The following MBNL3 variants were observed in gnomAD, a reference collection of about 807,000 sequenced individuals.
The protein encoded by MBNL3 is muscleblind like splicing regulator 3, also known as muscleblind-like protein 3.
A neutral mutation model predicts 24.5 loss-of-function variants in MBNL3; 6 were observed. The ratio of observed to expected loss-of-function variants is 0.25; its 90% CI spans 0.13 to 0.48. The LOEUF (loss-of-function observed/expected upper bound fraction) is 0.48, where lower values mean the gene tolerates loss of function less well. Among genes scored for constraint, MBNL3 ranks in the 20% least tolerant of loss-of-function variants. MBNL3 has a pLI of 0.99. For synonymous variants in MBNL3, 100 were observed against 101.7 expected, an observed-to-expected ratio of 0.98 and a Z score of 0.10; for missense variants, 230 against 293.5, an observed-to-expected ratio of 0.78 and a Z score of 1.58.
rs1933643272 is a variant in MBNL3, at chrX:132,371,930, A to G, written c.*7736T>C. On this transcript the variant is annotated 3_prime_UTR_variant, in exon 9 of 9. Transcript: ENST00000370853. Reference sequence around the variant, plus strand: ...AGAATTACTAAATATTAGGATTAATATACTAGAGCATGAATAGCCTTCAAG... The same window carrying G: ...AGAATTACTAAATATTAGGATTAATGTACTAGAGCATGAATAGCCTTCAAG... 1 of 111,490 alleles carries G rather than the reference A, an allele frequency of 9.0e-6. No homozygotes were observed. The highest frequency in any genetic ancestry group is 1.9e-5 in the Non-Finnish European group (1 of 52,995). The allele number at this position is 111,490 out of a possible 1,213,427, so 9.2% of individuals were successfully genotyped here. A position where few individuals can be genotyped will look rare whatever the true frequency, so the allele number is the denominator to read the frequency against.
intron 8 of MBNL3, chrX:132,381,485 TTTATG>T: frequency 2.5e-6 from 2 of 813,237 alleles, no homozygotes; most frequent in Non-Finnish European, 3.6e-6. Context: ...GAGAATTCTG[TTTATG>T]TTGTTATATA....
At chrX:132,409,751 A>ACTCT (rs753041560) in intron 2 of MBNL3, among the ~76,000 whole-genome samples, 1 of 109,001 alleles carries the variant, frequency 9.2e-6, no homozygotes, top group Non-Finnish European at 1.9e-5. Context: ...ATGAAAATCA[A>ACTCT]CTCTCTCTCT....
At chrX:132,446,101 C>T (rs973750954) in intron 1 of MBNL3, among the ~76,000 whole-genome samples, 2 of 111,773 alleles carry the variant, frequency 1.8e-5, no homozygotes, top group Admixed American at 1.9e-4. Context: ...CATCTTCATC[C>T]ATGTCCCTGC....
chrX:132,452,609 T>C (rs1382901337), intron 1 of MBNL3, among the ~76,000 whole-genome samples: 1 of 112,685 alleles, frequency 8.9e-6, no homozygotes, highest in African/African-American at 3.2e-5. Flanking sequence ...CAAAGAAATA[T>C]ATTCCATCAT....
At chrX:132,414,625 C>T (rs778623253) in intron 2 of MBNL3, among the ~76,000 whole-genome samples, 2 of 111,369 alleles carry the variant, frequency 1.8e-5, no homozygotes, top group African/African-American at 6.5e-5. Flanking sequence ...CTTTGTTAAC[C>T]CAGCATTTCC....
intron 3 of MBNL3, among the ~76,000 whole-genome samples, chrX:132,405,132 A>G (rs1264685272): frequency 8.9e-6 from 1 of 112,411 alleles, no homozygotes; most frequent in Non-Finnish European, 1.9e-5. Flanking sequence ...TACTTTATAA[A>G]GGATCCATTT....
intron 1 of MBNL3, among the ~76,000 whole-genome samples, chrX:132,485,294 G>T (rs1947946028): frequency 9.0e-6 from 1 of 111,458 alleles, no homozygotes; most frequent in South Asian, 3.7e-4. Flanking sequence ...AGGCAATTTG[G>T]AAGTCCCATT....
intron 1 of MBNL3, among the ~76,000 whole-genome samples, chrX:132,468,022 C>T (rs1385570984): frequency 8.9e-6 from 1 of 111,991 alleles, no homozygotes; most frequent in Non-Finnish European, 1.9e-5. Context: ...TGCAAGTCAC[C>T]ACTGAATTGT....
rs903237677 is a variant in MBNL3 at position 132,374,295 on chromosome X, TGTGTGTGTGTGTGCACAC to T, written c.*5353_*5370del. On this transcript the variant is annotated 3_prime_UTR_variant, in exon 9 of 9. Transcript: ENST00000370853. ...CTAGAAACTGCCCGGTGTGTGTGTG[TGTGTGTGTGTGTGCACAC>T]GTGTGTGTGTGTTTATAGGGGGGAT... 1.3e-4 allele frequency: 14 copies of T among 110,994 alleles called. No individual in the cohort carries two copies. Among genetic ancestry groups the T allele is most frequent in the Non-Finnish European group, 2.1e-4 (11 of 52,817 alleles). 9.1% of individuals were successfully genotyped at this position (110,994 alleles called of 1,213,427 possible). A position where few individuals can be genotyped will look rare whatever the true frequency, so the allele number is the denominator to read the frequency against.
chrX:132,418,163 A>G (rs1380871418), intron 2 of MBNL3, among the ~76,000 whole-genome samples: 1 of 112,281 alleles, frequency 8.9e-6, no homozygotes, highest in African/African-American at 3.2e-5. Flanking sequence ...TTCTATTAAT[A>G]TCATGAAAGT....
At chrX:132,464,100 C>T (rs1569458714) in intron 1 of MBNL3, among the ~76,000 whole-genome samples, 1 of 112,277 alleles carries the variant, frequency 8.9e-6, no homozygotes, top group Non-Finnish European at 1.9e-5. Context: ...AATGAAAATA[C>T]GGAATTAATT....
intron 2 of MBNL3, among the ~76,000 whole-genome samples, chrX:132,422,125 C>CTA (rs199608173): frequency 0.014 from 1,421 of 104,004 alleles, 28 homozygotes; most frequent in African/African-American, 0.052. Context: ...TCTGAATATA[C>CTA]TATGTGTGTG....
chrX:132,482,308 T>C (rs1295666577), intron 1 of MBNL3, among the ~76,000 whole-genome samples: 1 of 112,705 alleles, frequency 8.9e-6, no homozygotes, highest in East Asian at 2.8e-4. Flanking sequence ...ACACATTGTA[T>C]GCATGTATTG....
chrX:132,430,847 C>G (rs759324810), intron 2 of MBNL3: 12 of 112,028 alleles, frequency 1.1e-4, no homozygotes, highest in South Asian at 3.8e-4. Context: ...TCACTGCTCA[C>G]TGCAGCCTCA....
At chrX:132,451,116 G>A (rs950132582) in intron 1 of MBNL3, among the ~76,000 whole-genome samples, 1 of 112,472 alleles carries the variant, frequency 8.9e-6, no homozygotes, top group Non-Finnish European at 1.9e-5. Flanking sequence ...CCCCTGCTGG[G>A]AGGTTTCTCC....
intron 2 of MBNL3, among the ~76,000 whole-genome samples, chrX:132,439,152 A>G (rs1429812785): frequency 9.0e-6 from 1 of 111,063 alleles, no homozygotes; most frequent in Non-Finnish European, 1.9e-5. Flanking sequence ...AAATTCTTCA[A>G]TTTTTATTCT....
In MBNL3 at chrX:132,372,368, A is replaced by T. The variant is rs1247852513; in HGVS notation, c.*7298T>A. 9.1e-6 allele frequency: 1 copy of T among 110,162 alleles called. No individual in the cohort carries two copies. The highest frequency in any genetic ancestry group is 1.9e-5 in the Non-Finnish European group (1 of 52,670). The allele number at this position is 110,162 out of a possible 1,213,427, so 9.1% of individuals were successfully genotyped here. A position where few individuals can be genotyped will look rare whatever the true frequency, so the allele number is the denominator to read the frequency against. ...TAGTCCTTTAAAAAAGAATATATTT[A>T]GGAAAATCCTTCAAAAGTTTTTTAA... On this transcript the variant is annotated 3_prime_UTR_variant, in exon 9 of 9. Transcript: ENST00000370853.
rs1933808127 is a variant in MBNL3, at chrX:132,373,346, A to AT, written c.*6319dup. The stretch of plus-strand genomic sequence containing the variant: ...GTTAAATTGGGAAATTATGTTGGAG[A>AT]TAAGGCTGAAGTTGGAGTTCCTAAC... On this transcript the variant is annotated 3_prime_UTR_variant, in exon 9 of 9. Coordinates refer to ENST00000370853, the MANE Select transcript of MBNL3 (RefSeq NM_001386889.1). The AT allele has an allele frequency of 1.8e-5, 2 of 111,781 alleles. No individual in the cohort carries two copies. Among genetic ancestry groups the AT allele is most frequent in the Admixed American group, 9.6e-5 (1 of 10,460 alleles). 9.2% of individuals were successfully genotyped at this position (111,781 alleles called of 1,213,427 possible). A position where few individuals can be genotyped will look rare whatever the true frequency, so the allele number is the denominator to read the frequency against.
At chrX:132,416,015 T>C (rs933036868) in intron 2 of MBNL3, among the ~76,000 whole-genome samples, 1 of 110,244 alleles carries the variant, frequency 9.1e-6, no homozygotes, top group Non-Finnish European at 1.9e-5. Flanking sequence ...TCCAAAAAAC[T>C]AAAAATAGAA....
Sources: allele counts gnomAD v4.1 joint callset (sites outside exome capture counted in the v4.1 genomes callset), GRCh38; gene constraint gnomAD v4.1.1; transcripts MANE v1.5; gene names NCBI Gene and HGNC (gene_info 2026-07-23, HGNC 2026-07-21).